The following UNC5C variants were observed in gnomAD, a reference collection of about 807,000 sequenced individuals.
The protein encoded by UNC5C is unc-5 netrin receptor C, also known as netrin receptor UNC5C.
In UNC5C, 47 loss-of-function variants were observed where a neutral mutation model predicts 99.8. The observed-to-expected ratio is 0.47, with a 90% confidence interval of 0.37 to 0.60. UNC5C has a LOEUF of 0.60. UNC5C is among the 20% of genes least tolerant of loss of function. The pLI is 0.00. For missense variants in UNC5C, 1,062 were observed against 1,165.9 expected, an observed-to-expected ratio of 0.91 and a Z score of 1.30; for synonymous variants, 487 against 452.2, an observed-to-expected ratio of 1.08 and a Z score of -0.98.
chr4:95,285,392 A>G (rs1050799687), intron 3 of UNC5C, among the ~76,000 whole-genome samples: 6 of 152,186 alleles, frequency 3.9e-5, no homozygotes, highest in Admixed American at 3.3e-4. Flanking sequence ...TTCTTTTTTT[A>G]GACTTCATCA....
At chr4:95,299,286 C>T (rs60379045) in intron 3 of UNC5C, among the ~76,000 whole-genome samples, 1,877 of 152,168 alleles carry the variant, frequency 0.012, 41 homozygotes, top group African/African-American at 0.043. Context: ...GAGAAAGAGG[C>T]CACCAGCAAG....
chr4:95,316,243 G>A (rs974153851), intron 2 of UNC5C, among the ~76,000 whole-genome samples: 1 of 152,080 alleles, frequency 6.6e-6, no homozygotes, highest in Non-Finnish European at 1.5e-5. Flanking sequence ...TCTTAAATGG[G>A]TACATGATAG....
In UNC5C at chr4:95,164,947, C is replaced by G. The variant is rs1735805030; in HGVS notation, c.*4287G>C. On this transcript the variant is annotated 3_prime_UTR_variant, in exon 16 of 16. Transcript: ENST00000453304. The stretch of plus-strand genomic sequence containing the variant: ...TTTTCCTGGCCCCATAGGGGCAGAC[C>G]TTATAGAGGCAAAGACCTTTGAATT... The G allele has an allele frequency of 6.6e-6, 1 of 152,254 alleles. No individual in the cohort carries two copies. Among genetic ancestry groups the G allele is most frequent in the South Asian group, 2.1e-4 (1 of 4,828 alleles). 9.4% of individuals were successfully genotyped at this position (152,254 alleles called of 1,614,324 possible).
chr4:95,232,051 T>C (rs1236718443), intron 7 of UNC5C, among the ~76,000 whole-genome samples: 3 of 152,150 alleles, frequency 2.0e-5, no homozygotes, highest in Non-Finnish European at 4.4e-5. Flanking sequence ...AAATGAATAG[T>C]AGATAATTAA....
intron 1 of UNC5C, among the ~76,000 whole-genome samples, chr4:95,515,832 G>A (rs2149488736): frequency 6.6e-6 from 1 of 152,298 alleles, no homozygotes; most frequent in Admixed American, 6.5e-5. Flanking sequence ...TTTTAGGGCT[G>A]TATGCTGGCT....
intron 12 of UNC5C, among the ~76,000 whole-genome samples, chr4:95,193,704 G>T (rs146237793): frequency 6.6e-6 from 1 of 152,110 alleles, no homozygotes; most frequent in Non-Finnish European, 1.5e-5. Context: ...GCACTCCACC[G>T]AAGCAGAGGC....
intron 12 of UNC5C, among the ~76,000 whole-genome samples, chr4:95,191,746 C>T (rs1183287650): frequency 6.7e-6 from 1 of 149,468 alleles, no homozygotes; most frequent in African/African-American, 2.5e-5. Context: ...CTCACATCCT[C>T]CTCTGCTTAC....
At chr4:95,329,099 C>G (rs1376365286) in intron 2 of UNC5C, among the ~76,000 whole-genome samples, 1 of 152,022 alleles carries the variant, frequency 6.6e-6, no homozygotes, top group Admixed American at 6.6e-5. Context: ...GGAGACCAGC[C>G]TGGGCAACAT....
chr4:95,417,774 A>G (rs1746208521), intron 1 of UNC5C, among the ~76,000 whole-genome samples: 3 of 152,176 alleles, frequency 2.0e-5, no homozygotes, highest in Admixed American at 1.3e-4. Flanking sequence ...AAGTCCAACT[A>G]AAAATGTGGT....
intron 2 of UNC5C, among the ~76,000 whole-genome samples, chr4:95,332,426 A>C (rs1743151910): frequency 6.8e-6 from 1 of 146,540 alleles, no homozygotes; most frequent in African/African-American, 2.5e-5. Context: ...ACATATCTAC[A>C]ACTATCTGAT....
At chr4:95,418,214 G>A (rs1263166973) in intron 1 of UNC5C, among the ~76,000 whole-genome samples, 1 of 152,208 alleles carries the variant, frequency 6.6e-6, no homozygotes, top group African/African-American at 2.4e-5. Context: ...TATTTTCACA[G>A]CCTTAGTCTT....
At chr4:95,284,535 A>G (rs1337111399) in intron 3 of UNC5C, among the ~76,000 whole-genome samples, 1 of 152,184 alleles carries the variant, frequency 6.6e-6, no homozygotes, top group East Asian at 1.9e-4. Flanking sequence ...AACGACTTTC[A>G]CAGAACTTTT....
chr4:95,249,775 T>TCGTTGGA (rs1739626369), intron 5 of UNC5C, among the ~76,000 whole-genome samples: 2 of 152,322 alleles, frequency 1.3e-5, no homozygotes, highest in South Asian at 4.1e-4. Context: ...AGAAGTTGCT[T>TCGTTGGA]CGTTGGACTT....
intron 1 of UNC5C, among the ~76,000 whole-genome samples, chr4:95,485,167 T>C (rs1721289394): frequency 6.6e-6 from 1 of 151,812 alleles, no homozygotes; most frequent in African/African-American, 2.4e-5. Context: ...TCATATTCAT[T>C]ATGTGTTCTG....
intron 12 of UNC5C, among the ~76,000 whole-genome samples, chr4:95,190,722 C>T (rs932594556): frequency 6.6e-6 from 1 of 152,134 alleles, no homozygotes; most frequent in African/African-American, 2.4e-5. Flanking sequence ...CATCTACACA[C>T]GCGAACCATC....
At chr4:95,320,724 C>T (rs964806265) in intron 2 of UNC5C, among the ~76,000 whole-genome samples, 3 of 152,116 alleles carry the variant, frequency 2.0e-5, no homozygotes, top group Admixed American at 6.6e-5. Flanking sequence ...GTAGCCTCTG[C>T]GTGGGCCTGA....
At chr4:95,274,214 A>T (rs1481143777) in intron 4 of UNC5C, among the ~76,000 whole-genome samples, 6 of 152,150 alleles carry the variant, frequency 3.9e-5, no homozygotes, top group Non-Finnish European at 8.8e-5. Context: ...TGGTTCATCC[A>T]TGCCAGGTAT....
At chr4:95,276,863 A>G (rs1388412273) in intron 4 of UNC5C, among the ~76,000 whole-genome samples, 1 of 152,198 alleles carries the variant, frequency 6.6e-6, no homozygotes, top group Non-Finnish European at 1.5e-5. Context: ...AAAGTAAAAA[A>G]AAAGGAATTT....
chr4:95,300,907 T>G (rs1741843673), intron 3 of UNC5C, among the ~76,000 whole-genome samples: 1 of 152,164 alleles, frequency 6.6e-6, no homozygotes, highest in African/African-American at 2.4e-5. Flanking sequence ...CTATGGTCAA[T>G]AATAACTTAA....
Sources: gnomAD v4.1 joint callset for allele counts (sites outside exome capture counted in the v4.1 genomes callset) on GRCh38, gnomAD v4.1.1 for gene constraint, MANE v1.5 for transcripts, NCBI Gene and HGNC (gene_info 2026-07-23, HGNC 2026-07-21) for gene names.